NUDT8: variants seen among roughly 807,000 people sequenced by gnomAD.
NUDT8 encodes the protein mitochondrial coenzyme A diphosphatase NUDT8.
A neutral mutation model predicts 12.5 loss-of-function variants in NUDT8; 14 were observed. The ratio of observed to expected loss-of-function variants is 1.12; its 90% CI spans 0.74 to 1.75. The LOEUF (loss-of-function observed/expected upper bound fraction) is 1.75. Ranked by LOEUF, NUDT8 falls within the 40% of genes most tolerant of loss-of-function variation. The pLI is 0.00. For synonymous variants in NUDT8, 163 were observed against 156.2 expected, an observed-to-expected ratio of 1.04 and a Z score of -0.33; for missense variants, 337 against 318.5, an observed-to-expected ratio of 1.06 and a Z score of -0.44.
At chr11:67,628,800 C>G in intron 2 of NUDT8, 119 bp downstream of exon 2, 5 of 1,328,040 alleles carry the variant, frequency 3.8e-6, no homozygotes, top group Non-Finnish European at 4.2e-6. Context: ...TTAGGGGCAC[C>G]CTTCCACACT....
chr11:67,628,995 C>T lies in NUDT8; in HGVS notation c.251G>A (p.Arg84Gln), dbSNP rs777325380. 1.3e-5 allele frequency: 21 copies of T among 1,612,902 alleles called. No individual in the cohort carries two copies. The highest frequency in any genetic ancestry group is 1.5e-5 in the Non-Finnish European group (18 of 1,179,868). Residue 84 changes from arginine (R) to glutamine (Q), a missense_variant, in exon 2 of 4, where the codon CGG becomes CAG. Coordinates refer to ENST00000376693, the MANE Select transcript of NUDT8 (RefSeq NM_001243750.2). Reference protein sequence around the residue: ...ADQDVVHTALRETREELGLAV... With the variant: ...ADQDVVHTALQETREELGLAV... ...CAGGCCCAGCTCCTCCCGGGTTTCC[C>T]GCAGGGCCGTGTGCACCACATCTTG...
chr11:67,629,738 C>A lies in NUDT8; in HGVS notation c.174G>T (p.Gly58=). The A allele has an allele frequency of 6.5e-7, 1 of 1,540,014 alleles. No individual in the cohort carries two copies. ...LYTLRSSRLT[G]RHKGDVSFPG... is the part of the protein sequence containing the mutation. ...TGTACCTGACGTCGCCCTTGTGCCTCCCGGTCAGGCGGCTGGACCGCAGCG... is the reference window on the plus strand; with the variant it reads ...TGTACCTGACGTCGCCCTTGTGCCTACCGGTCAGGCGGCTGGACCGCAGCG... The change falls in exon 1 of 4, where the codon GGG becomes GGT. Residue 58 remains glycine (G), a synonymous_variant. Coordinates refer to ENST00000376693, the MANE Select transcript of NUDT8 (RefSeq NM_001243750.2).
At position 67,629,838 on chromosome 11, in the gene NUDT8, A is replaced by G. The variant is rs1855182870; in HGVS notation, c.74T>C (p.Leu25Pro). Reference protein sequence around the residue: ...RRLLAGATARLRARPASAAVL... With the variant: ...RRLLAGATARPRARPASAAVL... ...CGCGGCCGACGCGGGCCGCGCGCGG[A>G]GCCGGGCCGTGGCCCCTGCCAGCAG... Residue 25 changes from leucine (L) to proline (P), a missense_variant, in exon 1 of 4, where the codon CTC becomes CCC. Leu to Pro is a moderately conservative substitution (Grantham distance 98, BLOSUM62 -3). Transcript: ENST00000376693. 1.5e-6 allele frequency: 2 copies of G among 1,322,808 alleles called. No individual in the cohort carries two copies. The highest frequency in any genetic ancestry group is 1.9e-6 in the Non-Finnish European group (2 of 1,041,698). 81.9% of individuals were successfully genotyped at this position (1,322,808 alleles called of 1,614,324 possible).
At position 67,628,342 on chromosome 11, in the gene NUDT8, A is replaced by G. The variant is rs766257069; in HGVS notation, c.386T>C (p.Leu129Pro). The G allele has an allele frequency of 2.5e-6, 4 of 1,613,884 alleles. No individual in the cohort carries two copies. In the Admixed American group the frequency reaches 6.7e-5, roughly 27 times the overall value. The change falls in exon 3 of 4, where the codon CTC (leucine) becomes CCC (proline). Residue 129 changes from leucine (L) to proline (P), a missense_variant. Leu to Pro is a moderately conservative substitution (Grantham distance 98). Coordinates refer to ENST00000376693, the MANE Select transcript of NUDT8 (RefSeq NM_001243750.2). ...GCTCACCTCCTCCGAGTTGGGCCTG[A>G]GGCTCTGGGGATCCAGTGGGCCTAC... Reference protein sequence around the residue: ...AGVGPLDPQSLRPNSEEVDEV... With the variant: ...AGVGPLDPQSPRPNSEEVDEV...
intron 1 of NUDT8, chr11:67,629,265 A>G (rs1262690886): frequency 5.1e-5 from 26 of 509,130 alleles, no homozygotes; most frequent in Non-Finnish European, 8.7e-5. Flanking sequence ...ACAGCGCAGG[A>G]TAAGAGGGTC....
chr11:67,629,725 C>T lies in NUDT8; in HGVS notation c.187G>A (p.Asp63Asn), dbSNP rs528381170. 22 of 1,525,708 alleles carry T rather than the reference C, an allele frequency of 1.4e-5. No individual in the cohort carries two copies. Among genetic ancestry groups the T allele is most frequent in the Non-Finnish European group, 1.8e-5 (21 of 1,139,830 alleles). The allele number at this position is 1,525,708 out of a possible 1,614,324, so 94.5% of individuals were successfully genotyped here. A position where few individuals can be genotyped will look rare whatever the true frequency, so the allele number is the denominator to read the frequency against. The change falls in exon 1 of 4, where the codon GAC (aspartate) becomes AAC (asparagine). Residue 63 changes from aspartate to asparagine, a missense_variant. Coordinates refer to ENST00000376693, the MANE Select transcript of NUDT8 (RefSeq NM_001243750.2). ...AGTTCCCGGCCGCTGTACCTGACGTCGCCCTTGTGCCTCCCGGTCAGGCGG... is the reference window on the plus strand; with the variant it reads ...AGTTCCCGGCCGCTGTACCTGACGTTGCCCTTGTGCCTCCCGGTCAGGCGG... ...SSRLTGRHKG[D>N]VSFPGGKCDP...
chr11:67,628,258 G>C lies in NUDT8; in HGVS notation c.406-7C>G. On this transcript the variant is annotated splice_region_variant and splice_polypyrimidine_tract_variant and intron_variant, in intron 3 of 3. Transcript: ENST00000376693. ...GTGCAAACACCTCATCTACCTGCAG[G>C]CAGGAGGCAGAGAGGGTAGACAGAG... The C allele has an allele frequency of 1.2e-6, 2 of 1,613,058 alleles. No individual in the cohort carries two copies. Among genetic ancestry groups the C allele is most frequent in the Non-Finnish European group, 1.7e-6 (2 of 1,179,454 alleles).
chr11:67,629,783 C>T lies in NUDT8; in HGVS notation c.129G>A (p.Gly43=), dbSNP rs1302337191. ...GCAGCGTGTACAGCAGCGCCGGGACCCCACGCACTGAGCAGAGCGGCACGA... is the reference window on the plus strand; with the variant it reads ...GCAGCGTGTACAGCAGCGCCGGGACTCCACGCACTGAGCAGAGCGGCACGA... ...AVLVPLCSVR[G]VPALLYTLRS... Residue 43 remains glycine, a synonymous_variant, in exon 1 of 4, where the codon GGG becomes GGA. Transcript: ENST00000376693. The T allele has an allele frequency of 6.5e-7, 1 of 1,530,066 alleles. No homozygotes were observed. The highest frequency in any genetic ancestry group is 8.7e-7 in the Non-Finnish European group (1 of 1,146,944). 94.8% of individuals were successfully genotyped at this position (1,530,066 alleles called of 1,614,324 possible).
In NUDT8 at chr11:67,628,974, C is replaced by T; in HGVS notation, c.272G>A (p.Gly91Asp). The T allele has an allele frequency of 6.2e-7, 1 of 1,612,940 alleles. No homozygotes were observed. Among genetic ancestry groups the T allele is most frequent in the Non-Finnish European group, 8.5e-7 (1 of 1,179,820 alleles). Residue 91 changes from glycine (G) to aspartate (D), a missense_variant, in exon 2 of 4, where the codon GGC becomes GAC. Coordinates refer to ENST00000376693, the MANE Select transcript of NUDT8 (RefSeq NM_001243750.2). ...CACGTGCTCCTCGGGCACTGCCAGG[C>T]CCAGCTCCTCCCGGGTTTCCCGCAG... ...TALRETREEL[G>D]LAVPEEHVWG...
chr11:67,629,728 C>A lies in NUDT8; in HGVS notation c.184G>T (p.Gly62Cys). 1 of 1,534,284 alleles carries A rather than the reference C, an allele frequency of 6.5e-7. No homozygotes were observed. The highest frequency in any genetic ancestry group is 8.7e-7 in the Non-Finnish European group (1 of 1,144,456). Residue 62 changes from glycine (G) to cysteine (C), a missense_variant, in exon 1 of 4, where the codon GGC (glycine) becomes TGC (cysteine). Transcript: ENST00000376693. ...RSSRLTGRHK[G>C]DVSFPGGKCD... Reference sequence around the variant, plus strand: ...TCCCGGCCGCTGTACCTGACGTCGCCCTTGTGCCTCCCGGTCAGGCGGCTG... The same window carrying A: ...TCCCGGCCGCTGTACCTGACGTCGCACTTGTGCCTCCCGGTCAGGCGGCTG...
rs759753400 is a variant in NUDT8 at position 67,629,041 on chromosome 11, C to T, written c.205G>A (p.Gly69Ser). The T allele has an allele frequency of 1.1e-5, 18 of 1,610,992 alleles. No homozygotes were observed. Among genetic ancestry groups the T allele is most frequent in the South Asian group, 7.7e-5 (7 of 90,838 alleles). The change falls in exon 2 of 4, where the codon GGC (glycine) becomes AGC (serine). Residue 69 changes from glycine to serine, a missense_variant. By Grantham distance (56) the Gly-to-Ser change is moderately conservative. Transcript: ENST00000376693. ...TCTTGGTCAGCCGGGTCGCACTTGC[C>T]GCCTGGGAAACTAAACAGACACAAG... ...RHKGDVSFPG[G>S]KCDPADQDVV... is the part of the protein sequence containing the mutation.
At chr11:67,629,108 G>A in intron 1 of NUDT8, 57 bp from the exon 2 acceptor site, 4 of 1,534,644 alleles carry the variant, frequency 2.6e-6, no homozygotes, top group African/African-American at 2.8e-5. Flanking sequence ...AGAGGTCGGG[G>A]TATCGGCAGT....
chr11:67,629,468 G>T, intron 1 of NUDT8: 2 of 407,334 alleles, frequency 4.9e-6, no homozygotes, highest in Non-Finnish European at 8.8e-6. Context: ...CCCGGCCCAG[G>T]CGTGCGCGCA....
rs1855185056 is a variant in NUDT8, at chr11:67,629,891, C to G, written c.21G>C (p.Ser7=). MLPDCL[S]AEGELRCRRL... The stretch of plus-strand genomic sequence containing the variant: ...GGCGGCAGCGCAGCTCGCCCTCGGC[C>G]GACAGGCAGTCGGGCAGCATGTCAA... Residue 7 remains serine (S), a synonymous_variant, in exon 1 of 4, where the codon TCG becomes TCC. Transcript: ENST00000376693. 8.1e-7 allele frequency: 1 copy of G among 1,239,404 alleles called. No homozygotes were observed. Among genetic ancestry groups the G allele is most frequent in the Non-Finnish European group, 1.0e-6 (1 of 996,168 alleles). The allele number at this position is 1,239,404 out of a possible 1,614,324, so 76.8% of individuals were successfully genotyped here.
Position 67,629,711 on chromosome 11 carries a change from G to A in NUDT8, c.194+7C>T. On this transcript the variant is annotated splice_region_variant and intron_variant, in intron 1 of 3. Coordinates refer to ENST00000376693, the MANE Select transcript of NUDT8 (RefSeq NM_001243750.2). ...GGCAAAGGGCGAGGAGTTCCCGGCC[G>A]CTGTACCTGACGTCGCCCTTGTGCC... 6.7e-7 allele frequency: 1 copy of A among 1,494,092 alleles called. No individual in the cohort carries two copies. The highest frequency in any genetic ancestry group is 1.3e-5 in the South Asian group (1 of 79,854). The allele number at this position is 1,494,092 out of a possible 1,614,324, so 92.6% of individuals were successfully genotyped here. A position where few individuals can be genotyped will look rare whatever the true frequency, so the allele number is the denominator to read the frequency against.
chr11:67,629,450 A>AG (rs1855170186), intron 1 of NUDT8: 1 of 392,400 alleles, frequency 2.5e-6, no homozygotes, highest in South Asian at 6.8e-5. Flanking sequence ...AACAGCTCAA[A>AG]GGGGTGTCCC....
rs1183396971 is a variant in NUDT8 at position 67,628,208 on chromosome 11, G to GT, written c.448dup (p.Thr150AsnfsTer38). On this transcript the variant is annotated frameshift_variant, in exon 4 of 4. Transcript: ENST00000376693. LOFTEE classifies it low-confidence loss of function (END_TRUNC). ...GAAGTGGGTATAGCCCTGATTCTGCGTCTGCAGCAGGTGGGCCAGCGGCAG... is the reference window on the plus strand; with the variant it reads ...GAAGTGGGTATAGCCCTGATTCTGCGTTCTGCAGCAGGTGGGCCAGCGGCAG... 52 of 1,611,978 alleles carry GT rather than the reference G, an allele frequency of 3.2e-5. No individual in the cohort carries two copies. Among genetic ancestry groups the GT allele is most frequent in the Non-Finnish European group, 3.8e-5 (45 of 1,179,784 alleles).
At chr11:67,629,150 GC>G (rs1263565900) in intron 1 of NUDT8, 99 bp from the exon 2 acceptor site, 29 of 1,270,502 alleles carry the variant, frequency 2.3e-5, no homozygotes, top group Non-Finnish European at 3.1e-5. Context: ...CCGAAGTGTC[GC>G]CTGCCTCTGC....
In NUDT8 at chr11:67,629,815, C is replaced by A. The variant is rs1162900958; in HGVS notation, c.97G>T (p.Ala33Ser). 1 of 1,411,758 alleles carries A rather than the reference C, an allele frequency of 7.1e-7. No individual in the cohort carries two copies. Among genetic ancestry groups the A allele is most frequent in the Non-Finnish European group, 9.2e-7 (1 of 1,083,720 alleles). 87.5% of individuals were successfully genotyped at this position (1,411,758 alleles called of 1,614,324 possible). ...ARLRARPASA[A>S]VLVPLCSVRG... The stretch of plus-strand genomic sequence containing the variant: ...ACTGAGCAGAGCGGCACGAGCACCG[C>A]GGCCGACGCGGGCCGCGCGCGGAGC... Residue 33 changes from alanine (A) to serine (S), a missense_variant, in exon 1 of 4, where the codon GCG becomes TCG. Coordinates refer to ENST00000376693, the MANE Select transcript of NUDT8 (RefSeq NM_001243750.2).
Sources: gnomAD v4.1 joint callset for allele counts on GRCh38, gnomAD v4.1.1 for gene constraint, MANE v1.5 for transcripts, NCBI Gene and HGNC (gene_info 2026-07-23, HGNC 2026-07-21) for gene names.